Variants in GPC5 observed in about 807,000 individuals in gnomAD.
GPC5 encodes glypican-5.
Under a neutral mutation model 53.9 loss-of-function variants are expected in GPC5, and 47 were observed. The observed-to-expected ratio is 0.87, with a 90% confidence interval of 0.69 to 1.11. GPC5 has a LOEUF of 1.11. GPC5 is among the 50% of genes most tolerant of loss of function. The probability of loss-of-function intolerance (pLI) is 0.00; values close to 1 mark genes in which losing one functional copy is unlikely to be tolerated. For synonymous variants in GPC5, 286 were observed against 263.3 expected (o/e 1.09, Z -0.84); for missense variants, 748 against 713.1 (o/e 1.05, Z -0.56).
chr13:92,098,846 C>G (rs150815112), intron 6 of GPC5, among the ~76,000 whole-genome samples: 17 of 152,192 alleles, frequency 1.1e-4, no homozygotes, highest in African/African-American at 4.1e-4. Context: ...CCCAGTGAGA[C>G]AGATATTGGA....
intron 7 of GPC5, among the ~76,000 whole-genome samples, chr13:92,560,718 A>T (rs1401301325): frequency 6.6e-6 from 1 of 152,040 alleles, no homozygotes; most frequent in African/African-American, 2.4e-5. Context: ...GATACAGAGA[A>T]TTAAAATGAT....
intron 7 of GPC5, among the ~76,000 whole-genome samples, chr13:92,370,148 G>T (rs9561023): frequency 6.6e-6 from 1 of 152,088 alleles, no homozygotes; most frequent in Non-Finnish European, 1.5e-5. Flanking sequence ...TTGATGAAAT[G>T]CACAGGAATA....
At chr13:92,172,285 C>G (rs1302327510) in intron 7 of GPC5, among the ~76,000 whole-genome samples, 1 of 151,854 alleles carries the variant, frequency 6.6e-6, no homozygotes, top group Non-Finnish European at 1.5e-5. Flanking sequence ...GCAGTTGACC[C>G]TAAGGTACAT....
intron 7 of GPC5, among the ~76,000 whole-genome samples, chr13:92,848,624 T>C (rs1690099416): frequency 6.6e-6 from 1 of 152,134 alleles, no homozygotes; most frequent in Non-Finnish European, 1.5e-5. Context: ...TATAGACATA[T>C]ATGACTCTCT....
intron 7 of GPC5, among the ~76,000 whole-genome samples, chr13:92,154,698 A>G (rs148474938): frequency 0.014 from 2,105 of 152,248 alleles, 58 homozygotes; most frequent in Admixed American, 0.064. Context: ...TTTCTTTGCC[A>G]TCTGGTATAC....
intron 2 of GPC5, among the ~76,000 whole-genome samples, chr13:91,579,710 C>A (rs1320193109): frequency 1.5e-5 from 2 of 136,078 alleles, no homozygotes; most frequent in African/African-American, 5.4e-5. Flanking sequence ...CTTACTGCAA[C>A]TTCTGCCCCC....
intron 2 of GPC5, among the ~76,000 whole-genome samples, chr13:91,689,325 C>G (rs1184998525): frequency 6.8e-6 from 1 of 147,260 alleles, no homozygotes; most frequent in Admixed American, 6.8e-5. Context: ...AGAAGTTGCT[C>G]TAGGTAAGTC....
chr13:92,330,370 G>A (rs2043280382), intron 7 of GPC5, among the ~76,000 whole-genome samples: 1 of 152,114 alleles, frequency 6.6e-6, no homozygotes, highest in African/African-American at 2.4e-5. Context: ...TCTTAGAGGT[G>A]AAACAATTTC....
At chr13:91,879,131 T>C (rs2039237369) in intron 5 of GPC5, among the ~76,000 whole-genome samples, 1 of 152,128 alleles carries the variant, frequency 6.6e-6, no homozygotes, top group African/African-American at 2.4e-5. Flanking sequence ...CTTTTTCATA[T>C]ATAAATAATT....
In GPC5 at chr13:91,731,447, G is replaced by A. The variant is rs1001675895; in HGVS notation, c.1154+2782G>A. Among the ~76,000 whole-genome samples the A allele has an allele frequency of 2.6e-5, 4 of 152,256 alleles. No homozygotes were observed. In the East Asian group the frequency reaches 5.8e-4, roughly 22 times the overall value. On this transcript the variant is annotated intron_variant, in intron 4 of 7. Coordinates refer to ENST00000377067, the MANE Select transcript of GPC5 (RefSeq NM_004466.6). ...CATTTTTGTTTTAGTATTTTTGTCA[G>A]GAGAGGAATGTCTTTTTTTTATTGT...
intron 7 of GPC5, among the ~76,000 whole-genome samples, chr13:92,288,497 C>T (rs914812906): frequency 3.3e-5 from 5 of 152,134 alleles, no homozygotes; most frequent in Admixed American, 6.5e-5. Context: ...TATGTGGTCA[C>T]GGAAATCTCT....
intron 5 of GPC5, among the ~76,000 whole-genome samples, chr13:91,874,324 AC>A (rs774925252): frequency 3.9e-5 from 6 of 152,088 alleles, no homozygotes; most frequent in Non-Finnish European, 7.4e-5. Context: ...CGGTTGAGGT[AC>A]TATTATATTA....
At chr13:92,533,820 T>C (rs778276767) in intron 7 of GPC5, among the ~76,000 whole-genome samples, 30 of 152,198 alleles carry the variant, frequency 2.0e-4, no homozygotes, top group Non-Finnish European at 4.0e-4. Context: ...CTTTTTATTA[T>C]AGGAACCACA....
intron 3 of GPC5, among the ~76,000 whole-genome samples, chr13:91,708,334 A>G (rs1338757708): frequency 3.3e-5 from 5 of 151,622 alleles, no homozygotes; most frequent in Non-Finnish European, 5.9e-5. Context: ...TTCCGTATGT[A>G]TATGTCGGAG....
At chr13:92,476,305 A>G (rs376506175) in intron 7 of GPC5, among the ~76,000 whole-genome samples, 9,999 of 152,144 alleles carry the variant, frequency 0.066, 402 homozygotes, top group Middle Eastern at 0.12. Context: ...GCTCATCATC[A>G]CTGGCTATCA....
chr13:91,582,020 G>C (rs759983168), intron 2 of GPC5, among the ~76,000 whole-genome samples: 3 of 152,118 alleles, frequency 2.0e-5, no homozygotes, highest in Admixed American at 6.5e-5. Context: ...AGGCTTTCTT[G>C]CTTGTGTTTT....
At chr13:92,013,592 G>A (rs186425672) in intron 6 of GPC5, among the ~76,000 whole-genome samples, 11 of 152,254 alleles carry the variant, frequency 7.2e-5, no homozygotes, top group African/African-American at 2.4e-4. Context: ...AGACATTCTC[G>A]CTTTGGGCCA....
At chr13:91,519,882 T>TG (rs988020703) in intron 2 of GPC5, among the ~76,000 whole-genome samples, 6 of 9,674 alleles carry the variant, frequency 6.2e-4, no homozygotes, top group Middle Eastern at 0.062. Context: ...AGGTTGAAAA[T>TG]GGAAAAAAAA....
intron 7 of GPC5, among the ~76,000 whole-genome samples, chr13:92,329,383 AGATCTCACAT>A (rs2043273509): frequency 6.6e-6 from 1 of 152,134 alleles, no homozygotes; most frequent in African/African-American, 2.4e-5. Context: ...ACAAACAACC[AGATCTCACAT>A]GATCTAATGG....
Sources: gnomAD v4.1 joint callset for allele counts (sites outside exome capture counted in the v4.1 genomes callset) on GRCh38, gnomAD v4.1.1 for gene constraint, MANE v1.5 for transcripts, NCBI Gene and HGNC (gene_info 2026-07-23, HGNC 2026-07-21) for gene names.